Variants in NCBP3 observed in about 807,000 individuals in gnomAD.
The protein encoded by NCBP3 is nuclear cap binding subunit 3.
NCBP3 carries 20 observed loss-of-function variants against 75.7 expected under a neutral mutation model. That is an observed-to-expected ratio of 0.26 (90% CI 0.19 to 0.38). The LOEUF is 0.38. Ranked by LOEUF, NCBP3 falls within the 10% of genes least tolerant of loss-of-function variation. NCBP3 has a pLI of 1.00. For missense variants in NCBP3, 678 were observed against 796.9 expected (o/e 0.85, Z 1.80); for synonymous variants, 293 against 290.5 (o/e 1.01, Z -0.09).
intron 3 of NCBP3, among the ~76,000 whole-genome samples, chr17:3,839,163 T>C (rs2054023875): frequency 6.6e-6 from 1 of 152,302 alleles, no homozygotes; most frequent in South Asian, 2.1e-4. Flanking sequence ...CAGATTACTA[T>C]ATACAATAAT....
chr17:3,817,678 A>G (rs2143646894), intron 10 of NCBP3, among the ~76,000 whole-genome samples: 1 of 152,314 alleles, frequency 6.6e-6, no homozygotes, highest in Admixed American at 6.5e-5. Flanking sequence ...AAAATAAAGC[A>G]ATACTTACCA....
intron 7 of NCBP3, 55 bp downstream of exon 7, chr17:3,824,887 C>T: frequency 1.0e-6 from 1 of 989,626 alleles, no homozygotes; most frequent in Non-Finnish European, 1.5e-6. Flanking sequence ...GGATGTCACT[C>T]CATAATAAAT....
Position 3,812,769 on chromosome 17 carries a change from A to C in NCBP3, c.*275T>G, listed in dbSNP as rs2053442896. 7.9e-7 allele frequency: 1 copy of C among 1,271,298 alleles called. No individual in the cohort carries two copies. Among genetic ancestry groups the C allele is most frequent in the South Asian group, 1.9e-5 (1 of 52,982 alleles). The allele number at this position is 1,271,298 out of a possible 1,614,324, so 78.8% of individuals were successfully genotyped here. ...AAAATATTAAGAAAAATGTCTACAA[A>C]ATCTGGAGGGCTGCCTTTTTCTCAA... On this transcript the variant is annotated 3_prime_UTR_variant, in exon 13 of 13. Transcript: ENST00000389005.
At position 3,818,643 on chromosome 17, in the gene NCBP3, C is replaced by T. The variant is rs966498441; in HGVS notation, c.1001-71G>A. 4.9e-5 allele frequency: 73 copies of T among 1,498,618 alleles called. No homozygotes were observed. In the African/African-American group the frequency reaches 5.9e-4, roughly 12 times the overall value. The allele number at this position is 1,498,618 out of a possible 1,614,324, so 92.8% of individuals were successfully genotyped here. A position where few individuals can be genotyped will look rare whatever the true frequency, so the allele number is the denominator to read the frequency against. ...ACAAGTATGATTTTCTACTCTACATCGGTGACCTTTTTAAAAGGTGGGGTT... is the reference window on the plus strand; with the variant it reads ...ACAAGTATGATTTTCTACTCTACATTGGTGACCTTTTTAAAAGGTGGGGTT... On this transcript the variant is annotated intron_variant, in intron 9 of 12. Transcript: ENST00000389005. This position sits in a 1 kb window ranked among gnomAD's most constrained non-coding sequence, Gnocchi z 4.7.
intron 9 of NCBP3, among the ~76,000 whole-genome samples, chr17:3,819,575 A>G (rs528083125): frequency 7.1e-4 from 107 of 151,284 alleles, no homozygotes; most frequent in Non-Finnish European, 1.2e-3. Context: ...AAAAAAAAAG[A>G]GAGAAACATA....
intron 3 of NCBP3, among the ~76,000 whole-genome samples, chr17:3,835,046 C>T (rs1203345599): frequency 1.3e-5 from 2 of 152,098 alleles, no homozygotes; most frequent in African/African-American, 2.4e-5. Context: ...TCACCAACCA[C>T]TGGATGAAGA....
At position 3,809,384 on chromosome 17, in the gene NCBP3, A is replaced by G. The variant is rs35068563; in HGVS notation, c.*3660T>C. 3.3e-5 allele frequency: 5 copies of G among 152,170 alleles called. No homozygotes were observed. In the East Asian group the frequency reaches 5.8e-4, roughly 18 times the overall value. The allele number at this position is 152,170 out of a possible 1,614,324, so 9.4% of individuals were successfully genotyped here. ...CTGTCCCTGCAAAAACTTGTTCGGGAATGTTCGTAGCAACACTATTCATAA... is the reference window on the plus strand; with the variant it reads ...CTGTCCCTGCAAAAACTTGTTCGGGGATGTTCGTAGCAACACTATTCATAA... On this transcript the variant is annotated 3_prime_UTR_variant, in exon 13 of 13. Coordinates refer to ENST00000389005, the MANE Select transcript of NCBP3 (RefSeq NM_001114118.3).
intron 3 of NCBP3, among the ~76,000 whole-genome samples, chr17:3,835,249 A>G (rs1045239254): frequency 2.6e-5 from 4 of 152,246 alleles, no homozygotes; most frequent in African/African-American, 7.2e-5. Context: ...GATGAGAAAG[A>G]CTGTTCTGAT....
rs565216722 is a variant in NCBP3 at position 3,832,501 on chromosome 17, G to T, written c.356-3133C>A. On this transcript the variant is annotated intron_variant, in intron 3 of 12. Coordinates refer to ENST00000389005, the MANE Select transcript of NCBP3 (RefSeq NM_001114118.3). ...AAACAATTAGCCAGGTGTGGTGGCA[G>T]GCACCTGTAGTCCCAGCTACTCGGG... Among the ~76,000 whole-genome samples, 29 of 116,642 alleles carry T rather than the reference G, an allele frequency of 2.5e-4. 6 individuals carry two copies. The highest frequency in any genetic ancestry group is 1.6e-3 in the South Asian group (5 of 3,186). The allele number at this position is 116,642 out of a possible 152,430, so 76.5% of individuals were successfully genotyped here.
chr17:3,845,398 C>A (rs1229815243), intron 1 of NCBP3, among the ~76,000 whole-genome samples: 1 of 152,124 alleles, frequency 6.6e-6, no homozygotes, highest in Non-Finnish European at 1.5e-5. Context: ...CTCTCACCAT[C>A]CCCAGCGCGG....
At chr17:3,830,088 A>G (rs1182756) in intron 3 of NCBP3, among the ~76,000 whole-genome samples, 18,539 of 152,102 alleles carry the variant, frequency 0.12, 2,072 homozygotes, top group African/African-American at 0.3. Flanking sequence ...AGTAGGGGAA[A>G]GGCTTACTTC....
chr17:3,843,081 C>G lies in NCBP3; in HGVS notation c.249+5G>C. On this transcript the variant is annotated splice_donor_5th_base_variant and intron_variant, in intron 2 of 12. Coordinates refer to ENST00000389005, the MANE Select transcript of NCBP3 (RefSeq NM_001114118.3). ...GCTGAATAAATAAATCATAGCCTGT[C>G]TTACCTTGGAGGTGACATCAATTCC... is the stretch of plus-strand genomic sequence containing the variant. 6.5e-7 allele frequency: 1 copy of G among 1,549,648 alleles called. No individual in the cohort carries two copies. Among genetic ancestry groups the G allele is most frequent in the Non-Finnish European group, 8.7e-7 (1 of 1,145,196 alleles).
At position 3,809,635 on chromosome 17, in the gene NCBP3, G is replaced by A. The variant is rs1169626600; in HGVS notation, c.*3409C>T. 1 of 152,262 alleles carries A rather than the reference G, an allele frequency of 6.6e-6. No individual in the cohort carries two copies. Among genetic ancestry groups the A allele is most frequent in the Non-Finnish European group, 1.5e-5 (1 of 68,080 alleles). The allele number at this position is 152,262 out of a possible 1,614,324, so 9.4% of individuals were successfully genotyped here. ...GCAGGAGAATCGCTTGAACCCCGGAGGTGGAGGTTGCAGTGGGCCGAGATC... is the reference window on the plus strand; with the variant it reads ...GCAGGAGAATCGCTTGAACCCCGGAAGTGGAGGTTGCAGTGGGCCGAGATC... On this transcript the variant is annotated 3_prime_UTR_variant, in exon 13 of 13. Coordinates refer to ENST00000389005, the MANE Select transcript of NCBP3 (RefSeq NM_001114118.3).
intron 3 of NCBP3, among the ~76,000 whole-genome samples, chr17:3,834,998 G>A (rs886460324): frequency 4.6e-5 from 7 of 152,246 alleles, no homozygotes; most frequent in Admixed American, 1.3e-4. Flanking sequence ...TATGGTAATA[G>A]AATAAGACTT....
intron 3 of NCBP3, among the ~76,000 whole-genome samples, chr17:3,835,095 G>A (rs996049044): frequency 3.3e-5 from 5 of 152,242 alleles, no homozygotes; most frequent in East Asian, 1.9e-4. Flanking sequence ...GCAAGAAGCT[G>A]AGGAGTAGAG....
intron 4 of NCBP3, among the ~76,000 whole-genome samples, chr17:3,826,522 T>C (rs372054868): frequency 1.8e-4 from 27 of 152,130 alleles, no homozygotes; most frequent in African/African-American, 5.5e-4. Flanking sequence ...TCCCAGCTAC[T>C]TGGGAGGCCG....
intron 2 of NCBP3, 85 bp from the exon 3 acceptor site, chr17:3,840,290 A>C: frequency 9.3e-7 from 1 of 1,073,258 alleles, no homozygotes; most frequent in Non-Finnish European, 1.4e-6. Flanking sequence ...TCAGTGACAA[A>C]CCTGAACTAA....
chr17:3,845,109 C>T (rs2054138036), intron 1 of NCBP3, among the ~76,000 whole-genome samples: 1 of 152,154 alleles, frequency 6.6e-6, no homozygotes, highest in South Asian at 2.1e-4. Context: ...GGAACTTAGA[C>T]TCCTGAATAG....
intron 3 of NCBP3, among the ~76,000 whole-genome samples, chr17:3,829,743 C>T (rs746109298): frequency 2.8e-4 from 42 of 152,120 alleles, no homozygotes; most frequent in Admixed American, 5.9e-4. Flanking sequence ...AAGAGAAACG[C>T]GCAGTAGTGG....
Sources: gnomAD v4.1 joint callset for allele counts (sites outside exome capture counted in the v4.1 genomes callset) on GRCh38, gnomAD v4.1.1 for gene constraint, Gnocchi (gnomAD v3.1) non-coding constraint, MANE v1.5 for transcripts, NCBI Gene and HGNC (gene_info 2026-07-23, HGNC 2026-07-21) for gene names.